RHD: variants seen among roughly 807,000 people sequenced by gnomAD.
The protein encoded by RHD is blood group Rh(D) polypeptide.
A neutral mutation model predicts 45.5 loss-of-function variants in RHD; 16 were observed. The observed-to-expected ratio is 0.35, with a 90% CI of 0.24 to 0.53. RHD has a LOEUF of 0.53. RHD is among the 20% of genes least tolerant of loss of function. RHD has a pLI of 0.92. For synonymous variants in RHD, 131 were observed against 217.5 expected, an observed-to-expected ratio of 0.60 and a Z score of 3.50; for missense variants, 306 against 532.0, an observed-to-expected ratio of 0.58 and a Z score of 4.18.
rs544073405 is a variant in RHD, at chr1:25,320,343, T to TA, written c.1154-1539dup. Reference sequence around the variant, plus strand: ...TCCTAGTGATGGTTCTGATTTTTTTTAAAAAAAGTCTAAATATGTTTAATG... The same window carrying TA: ...TCCTAGTGATGGTTCTGATTTTTTTTAAAAAAAAGTCTAAATATGTTTAATG... On this transcript the variant is annotated intron_variant, in intron 8 of 9. Transcript: ENST00000328664. Among the ~76,000 whole-genome samples the TA allele has an allele frequency of 5.3e-5, 7 of 131,812 alleles. 2 individuals are homozygous for TA. Among genetic ancestry groups the TA allele is most frequent in the Admixed American group, 1.5e-4 (2 of 13,496 alleles). The allele number at this position is 131,812 out of a possible 152,430, so 86.5% of individuals were successfully genotyped here. A position where few individuals can be genotyped will look rare whatever the true frequency, so the allele number is the denominator to read the frequency against.
Position 25,282,298 on chromosome 1 carries a change from G to A in RHD, c.149-2275G>A, listed in dbSNP as rs1436315262. On this transcript the variant is annotated intron_variant, in intron 1 of 9. Coordinates refer to ENST00000328664, the MANE Select transcript of RHD (RefSeq NM_016124.6). Reference sequence around the variant, plus strand: ...CGCCCAGGCTGGAGTGCAGTGGTGCGGTCTCAGCTCACTGCAACCTCTGCC... The same window carrying A: ...CGCCCAGGCTGGAGTGCAGTGGTGCAGTCTCAGCTCACTGCAACCTCTGCC... Among the ~76,000 whole-genome samples, 71 of 131,116 alleles carry A rather than the reference G, an allele frequency of 5.4e-4. 15 individuals carry two copies. The highest frequency in any genetic ancestry group is 1.6e-3 in the Admixed American group (22 of 13,432). The allele number at this position is 131,116 out of a possible 152,430, so 86.0% of individuals were successfully genotyped here. A position where few individuals can be genotyped will look rare whatever the true frequency, so the allele number is the denominator to read the frequency against.
rs1270368183 is a variant in RHD, at chr1:25,297,067, T to A, written c.487-3879T>A. Among the ~76,000 whole-genome samples the A allele has an allele frequency of 2.3e-5, 3 of 129,194 alleles. 1 individual carries two copies. Among genetic ancestry groups the A allele is most frequent in the African/African-American group, 8.0e-5 (3 of 37,268 alleles). 84.8% of individuals were successfully genotyped at this position (129,194 alleles called of 152,430 possible). On this transcript the variant is annotated intron_variant, in intron 3 of 9. Coordinates refer to ENST00000328664, the MANE Select transcript of RHD (RefSeq NM_016124.6). Reference sequence around the variant, plus strand: ...CAATAATATCTTTTCTAGAAAAAAATATATATTTTTTGTGGTCGAGGATTA... The same window carrying A: ...CAATAATATCTTTTCTAGAAAAAAAAATATATTTTTTGTGGTCGAGGATTA...
intron 7 of RHD, among the ~76,000 whole-genome samples, chr1:25,315,386 G>C (rs996018371): frequency 3.1e-5 from 4 of 130,174 alleles, no homozygotes; most frequent in African/African-American, 7.9e-5. Context: ...CACACGGAAG[G>C]GGGGATGGCT....
intron 9 of RHD, among the ~76,000 whole-genome samples, chr1:25,322,448 C>T (rs867363609): frequency 7.6e-6 from 1 of 132,400 alleles, no homozygotes; most frequent in Non-Finnish European, 1.8e-5. Context: ...TGAGGTGGGG[C>T]GATCACCTGA....
At position 25,299,890 on chromosome 1, in the gene RHD, C is replaced by T. The variant is rs539666729; in HGVS notation, c.487-1056C>T. On this transcript the variant is annotated intron_variant, in intron 3 of 9. Transcript: ENST00000328664. ...TCAGCCTCCCAGGTAGATAGGATTACAAGCAAGCATCACCACGCCTGGCTA... is the reference window on the plus strand; with the variant it reads ...TCAGCCTCCCAGGTAGATAGGATTATAAGCAAGCATCACCACGCCTGGCTA... Among the ~76,000 whole-genome samples the T allele has an allele frequency of 3.0e-5, 4 of 131,338 alleles. 1 individual carries two copies. Among genetic ancestry groups the T allele is most frequent in the Admixed American group, 1.5e-4 (2 of 13,516 alleles). The allele number at this position is 131,338 out of a possible 152,430, so 86.2% of individuals were successfully genotyped here.
chr1:25,283,011 C>T lies in RHD; in HGVS notation c.149-1562C>T, dbSNP rs1166179813. 3.2e-4 allele frequency among the ~76,000 whole-genome samples: 43 copies of T among 133,038 alleles called. 7 individuals are homozygous for T. Among genetic ancestry groups the T allele is most frequent in the African/African-American group, 8.2e-4 (32 of 39,074 alleles). The allele number at this position is 133,038 out of a possible 152,430, so 87.3% of individuals were successfully genotyped here. ...TGACGGAAAAAAAATTCTTCAAGAT[C>T]TCTCTCTCTCCAGTCATTTATTCAT... On this transcript the variant is annotated intron_variant, in intron 1 of 9. Coordinates refer to ENST00000328664, the MANE Select transcript of RHD (RefSeq NM_016124.6).
chr1:25,306,899 G>C lies in RHD; in HGVS notation c.1073+170G>C. On this transcript the variant is annotated intron_variant, in intron 7 of 9. Transcript: ENST00000328664. The stretch of plus-strand genomic sequence containing the variant: ...AGAAATTCTGTCCAGCCCCTACCTT[G>C]GATGGATTTATCACCTCTCCAGGCC... 3 of 737,154 alleles carry C rather than the reference G, an allele frequency of 4.1e-6. 1 individual carries two copies. The highest frequency in any genetic ancestry group is 7.0e-6 in the Non-Finnish European group (3 of 429,074). The allele number at this position is 737,154 out of a possible 1,614,324, so 45.7% of individuals were successfully genotyped here. A position where few individuals can be genotyped will look rare whatever the true frequency, so the allele number is the denominator to read the frequency against.
Position 25,279,810 on chromosome 1 carries a change from A to G in RHD, c.149-4763A>G, listed in dbSNP as rs1232215479. Among the ~76,000 whole-genome samples, 16 of 130,266 alleles carry G rather than the reference A, an allele frequency of 1.2e-4. 2 individuals carry two copies. In the East Asian group the frequency reaches 3.1e-3, roughly 26 times the overall value. The allele number at this position is 130,266 out of a possible 152,430, so 85.5% of individuals were successfully genotyped here. A position where few individuals can be genotyped will look rare whatever the true frequency, so the allele number is the denominator to read the frequency against. On this transcript the variant is annotated intron_variant, in intron 1 of 9. Coordinates refer to ENST00000328664, the MANE Select transcript of RHD (RefSeq NM_016124.6). The stretch of plus-strand genomic sequence containing the variant: ...CTGAAGGCTTTCCGTAGAATGTACA[A>G]TTCCCCTCTGGGTCCAGGCATGGGC...
rs1228937980 is a variant in RHD, at chr1:25,295,892, C to T, written c.487-5054C>T. On this transcript the variant is annotated intron_variant, in intron 3 of 9. Coordinates refer to ENST00000328664, the MANE Select transcript of RHD (RefSeq NM_016124.6). ...TTTTTTTTTTTTTGAGATGGAGTTTCGCTGTTGTCATCCAGGCTGGATTGC... is the reference window on the plus strand; with the variant it reads ...TTTTTTTTTTTTTGAGATGGAGTTTTGCTGTTGTCATCCAGGCTGGATTGC... Among the ~76,000 whole-genome samples, 4 of 75,932 alleles carry T rather than the reference C, an allele frequency of 5.3e-5. No homozygotes were observed. The Admixed American group carries it at 5.6e-4, about 11-fold the overall frequency. The allele number at this position is 75,932 out of a possible 152,430, so 49.8% of individuals were successfully genotyped here.
chr1:25,290,928 G>C, intron 3 of RHD, 137 bp downstream of exon 3: 1 of 947,984 alleles, frequency 1.1e-6, no homozygotes. Flanking sequence ...AAGATCACTT[G>C]AGGCCAGGAG....
In RHD at chr1:25,298,703, A is replaced by G. The variant is rs1365583237; in HGVS notation, c.487-2243A>G. 1.4e-4 allele frequency among the ~76,000 whole-genome samples: 18 copies of G among 131,478 alleles called. 3 individuals are homozygous for G. The highest frequency in any genetic ancestry group is 2.2e-4 in the Admixed American group (3 of 13,472). The allele number at this position is 131,478 out of a possible 152,430, so 86.3% of individuals were successfully genotyped here. A position where few individuals can be genotyped will look rare whatever the true frequency, so the allele number is the denominator to read the frequency against. ...TTCCCTTCACAAATATTTATTTGGT[A>G]TTTACTATATACCAGGGACTCTTGT... On this transcript the variant is annotated intron_variant, in intron 3 of 9. Coordinates refer to ENST00000328664, the MANE Select transcript of RHD (RefSeq NM_016124.6).
rs531914295 is a variant in RHD at position 25,330,145 on chromosome 1, T to C, written c.*1221T>C. ...GATACGACAGCTCTCTGTGCACTGATTGCATATGCATCCCAAGATTATATT... is the reference window on the plus strand; with the variant it reads ...GATACGACAGCTCTCTGTGCACTGACTGCATATGCATCCCAAGATTATATT... On this transcript the variant is annotated 3_prime_UTR_variant, in exon 10 of 10. Transcript: ENST00000328664. The C allele has an allele frequency of 3.0e-5, 4 of 132,566 alleles. No individual in the cohort carries two copies. The highest frequency in any genetic ancestry group is 3.9e-4 in the East Asian group (2 of 5,136). 8.2% of individuals were successfully genotyped at this position (132,566 alleles called of 1,614,324 possible). A position where few individuals can be genotyped will look rare whatever the true frequency, so the allele number is the denominator to read the frequency against.
At chr1:25,302,581 T>A (rs1354693749) in intron 5 of RHD, among the ~76,000 whole-genome samples, 1 of 129,548 alleles carries the variant, frequency 7.7e-6, no homozygotes, top group South Asian at 2.4e-4. Flanking sequence ...GGGTGTCAGA[T>A]AAGAGCAAGG....
chr1:25,276,722 T>A (rs1392789631), intron 1 of RHD, among the ~76,000 whole-genome samples: 1 of 128,824 alleles, frequency 7.8e-6, no homozygotes, highest in African/African-American at 2.7e-5. Context: ...TCAAAAAAAA[T>A]AAAAATATTT....
intron 3 of RHD, among the ~76,000 whole-genome samples, chr1:25,300,066 A>C (rs1178563636): frequency 7.6e-6 from 1 of 131,360 alleles, no homozygotes; most frequent in African/African-American, 2.6e-5. Flanking sequence ...TGAAGACCTT[A>C]GTTTGGTATT....
At position 25,274,718 on chromosome 1, in the gene RHD, A is replaced by G. The variant is rs1004057607; in HGVS notation, c.148+2023A>G. Among the ~76,000 whole-genome samples the G allele has an allele frequency of 3.0e-5, 4 of 133,884 alleles. 1 individual carries two copies. The highest frequency in any genetic ancestry group is 1.0e-4 in the African/African-American group (4 of 39,268). 87.8% of individuals were successfully genotyped at this position (133,884 alleles called of 152,430 possible). A position where few individuals can be genotyped will look rare whatever the true frequency, so the allele number is the denominator to read the frequency against. On this transcript the variant is annotated intron_variant, in intron 1 of 9. Transcript: ENST00000328664. ...CATTGCCCTGGAGCCTAAAAGGGGA[A>G]ACAAAGGGCCGGGCGACGTGGCTCA...
At position 25,283,134 on chromosome 1, in the gene RHD, G is replaced by A. The variant is rs187163768; in HGVS notation, c.149-1439G>A. Among the ~76,000 whole-genome samples, 159 of 132,340 alleles carry A rather than the reference G, an allele frequency of 1.2e-3. 24 individuals are homozygous for A. The highest frequency in any genetic ancestry group is 3.9e-3 in the African/African-American group (151 of 38,850). 86.8% of individuals were successfully genotyped at this position (132,340 alleles called of 152,430 possible). A position where few individuals can be genotyped will look rare whatever the true frequency, so the allele number is the denominator to read the frequency against. Reference sequence around the variant, plus strand: ...CATTTGATTCTGGCAACCTAATGAAGGAGTATGATCATTTCCCCTATTTAA... The same window carrying A: ...CATTTGATTCTGGCAACCTAATGAAAGAGTATGATCATTTCCCCTATTTAA... On this transcript the variant is annotated intron_variant, in intron 1 of 9. Transcript: ENST00000328664.
At chr1:25,296,641 G>T (rs1642983361) in intron 3 of RHD, among the ~76,000 whole-genome samples, 1 of 131,572 alleles carries the variant, frequency 7.6e-6, no homozygotes, top group South Asian at 2.3e-4. Flanking sequence ...CTCGTGGGAG[G>T]TGATTGGATC....
Position 25,295,614 on chromosome 1 carries a change from A to G in RHD, c.486+4823A>G, listed in dbSNP as rs1642866936. The stretch of plus-strand genomic sequence containing the variant: ...TGGGTGGCAGAAGTGTAACGCAGGG[A>G]AAGAGACGAGCGGTCAAGGAGCCGA... On this transcript the variant is annotated intron_variant, in intron 3 of 9. Coordinates refer to ENST00000328664, the MANE Select transcript of RHD (RefSeq NM_016124.6). Among the ~76,000 whole-genome samples, 3 of 105,908 alleles carry G rather than the reference A, an allele frequency of 2.8e-5. 1 individual carries two copies. The highest frequency in any genetic ancestry group is 9.8e-5 in the Admixed American group (1 of 10,162). The allele number at this position is 105,908 out of a possible 152,430, so 69.5% of individuals were successfully genotyped here. A position where few individuals can be genotyped will look rare whatever the true frequency, so the allele number is the denominator to read the frequency against.
Sources: allele counts gnomAD v4.1 joint callset (sites outside exome capture counted in the v4.1 genomes callset), GRCh38; gene constraint gnomAD v4.1.1; transcripts MANE v1.5; gene names NCBI Gene and HGNC (gene_info 2026-07-23, HGNC 2026-07-21).